The following PTPN12 variants were observed in gnomAD, a reference collection of about 807,000 sequenced individuals.
PTPN12 encodes protein tyrosine phosphatase non-receptor type 12.
In PTPN12, 29 loss-of-function variants were observed where a neutral mutation model predicts 97.6. The ratio of observed to expected loss-of-function variants is 0.30; its 90% CI spans 0.22 to 0.41. PTPN12 has a LOEUF of 0.41. PTPN12 is among the 10% of genes least tolerant of loss of function. The pLI, the probability that PTPN12 is intolerant of heterozygous loss-of-function variation, is 1.00. For missense variants in PTPN12, 819 were observed against 926.0 expected, an observed-to-expected ratio of 0.88 and a Z score of 1.50; for synonymous variants, 327 against 300.4, an observed-to-expected ratio of 1.09 and a Z score of -0.91.
intron 1 of PTPN12, among the ~76,000 whole-genome samples, chr7:77,567,718 C>G: frequency 6.6e-6 from 1 of 152,168 alleles, no homozygotes; most frequent in Non-Finnish European, 1.5e-5. Context: ...CTGGAATATG[C>G]AACTCTTTCT....
At chr7:77,558,136 A>G (rs1807806375) in intron 1 of PTPN12, among the ~76,000 whole-genome samples, 1 of 149,334 alleles carries the variant, frequency 6.7e-6, no homozygotes, top group African/African-American at 2.5e-5. Flanking sequence ...GCTTGAACCC[A>G]TGAGGTGGAG....
intron 12 of PTPN12, among the ~76,000 whole-genome samples, chr7:77,624,895 G>A (rs1394155872): frequency 6.6e-6 from 1 of 151,936 alleles, no homozygotes; most frequent in Non-Finnish European, 1.5e-5. Context: ...GCACTTTGCG[G>A]GGGCCGAGGC....
chr7:77,639,412 G>A lies in PTPN12; in HGVS notation c.*132G>A. On this transcript the variant is annotated 3_prime_UTR_variant, in exon 18 of 18. Coordinates refer to ENST00000248594, the MANE Select transcript of PTPN12 (RefSeq NM_002835.4). ...GATTGTTACCTTAATATTTTTTGCT[G>A]GGACCATCTACCTGCCTTATACTAC... 1 of 687,034 alleles carries A rather than the reference G, an allele frequency of 1.5e-6. No homozygotes were observed. Among genetic ancestry groups the A allele is most frequent in the Non-Finnish European group, 2.4e-6 (1 of 419,054 alleles). 42.6% of individuals were successfully genotyped at this position (687,034 alleles called of 1,614,324 possible). A position where few individuals can be genotyped will look rare whatever the true frequency, so the allele number is the denominator to read the frequency against.
At chr7:77,606,417 G>A (rs947378874) in intron 8 of PTPN12, among the ~76,000 whole-genome samples, 2 of 152,006 alleles carry the variant, frequency 1.3e-5, no homozygotes, top group Non-Finnish European at 2.9e-5. Flanking sequence ...TTCTTTTTGA[G>A]ATGAAGTCAC....
intron 3 of PTPN12, 57 bp from the exon 4 acceptor site, chr7:77,583,498 A>T: frequency 1.9e-6 from 2 of 1,054,168 alleles, no homozygotes; most frequent in Admixed American, 2.1e-5. Context: ...TATTTTGGGT[A>T]ATGAAATATT....
At chr7:77,537,674 T>C (rs773187806) in intron 1 of PTPN12, 29 bp downstream of exon 1, 2 of 1,561,256 alleles carry the variant, frequency 1.3e-6, no homozygotes, top group Non-Finnish European at 1.7e-6. Context: ...TGTCGCGTTT[T>C]CTTGCCGGCG....
chr7:77,564,746 G>GTTTTTTTGTTT (rs1808165507), intron 1 of PTPN12, among the ~76,000 whole-genome samples: 26 of 45,402 alleles, frequency 5.7e-4, no homozygotes, highest in African/African-American at 5.4e-4. Flanking sequence ...TTGTTGTCGT[G>GTTTTTTTGTTT]TTTTTTTTTT....
Position 77,627,412 on chromosome 7 carries a change from C to T in PTPN12, c.1733C>T (p.Thr578Ile). ...LTPSPTTQVETPDLVDHDNTS... is the reference protein window; with the variant it reads ...LTPSPTTQVEIPDLVDHDNTS... ...CCAAGTCCTACAACACAAGTTGAAA[C>T]ACCTGATCTTGTGGATCATGATAAC... Residue 578 changes from threonine (T) to isoleucine (I), a missense_variant, in exon 13 of 18, where the codon ACA (threonine) becomes ATA (isoleucine). Physicochemically the swap from Thr to Ile is moderately conservative, Grantham distance 89. Transcript: ENST00000248594. 1.2e-6 allele frequency: 2 copies of T among 1,614,106 alleles called. No homozygotes were observed. The highest frequency in any genetic ancestry group is 2.7e-5 in the African/African-American group (2 of 75,056).
chr7:77,634,927 G>C (rs141779827), intron 14 of PTPN12, among the ~76,000 whole-genome samples: 51 of 152,138 alleles, frequency 3.4e-4, no homozygotes, highest in African/African-American at 1.2e-3. Context: ...TCAGGCTGGA[G>C]TGCAGTGGCA....
chr7:77,570,156 G>A (rs1388349826), intron 1 of PTPN12, among the ~76,000 whole-genome samples: 6 of 152,128 alleles, frequency 3.9e-5, no homozygotes, highest in African/African-American at 1.4e-4. Context: ...TATTCCTGTT[G>A]TAGGTCTCTA....
At chr7:77,574,120 TC>T (rs1238669961) in intron 2 of PTPN12, among the ~76,000 whole-genome samples, 1 of 152,200 alleles carries the variant, frequency 6.6e-6, no homozygotes, top group Non-Finnish European at 1.5e-5. Flanking sequence ...TATATGTTAG[TC>T]AAGGTGATGG....
chr7:77,545,515 T>C (rs1484487853), intron 1 of PTPN12, among the ~76,000 whole-genome samples: 1 of 152,108 alleles, frequency 6.6e-6, no homozygotes, highest in Non-Finnish European at 1.5e-5. Context: ...CAAGTGCTGC[T>C]CCTTTTTCAA....
At chr7:77,618,956 T>G (rs1481527101) in intron 12 of PTPN12, among the ~76,000 whole-genome samples, 1 of 152,230 alleles carries the variant, frequency 6.6e-6, no homozygotes, top group Non-Finnish European at 1.5e-5. Context: ...ATGAGTTTAT[T>G]TCTTTAATTT....
At chr7:77,540,524 A>G (rs773521296) in intron 1 of PTPN12, among the ~76,000 whole-genome samples, 3 of 151,568 alleles carry the variant, frequency 2.0e-5, no homozygotes, top group Non-Finnish European at 2.9e-5. Flanking sequence ...GATTACAGGC[A>G]TGAGCCACCG....
At chr7:77,615,068 G>C (rs1279891327) in intron 11 of PTPN12, among the ~76,000 whole-genome samples, 1 of 152,038 alleles carries the variant, frequency 6.6e-6, no homozygotes, top group Non-Finnish European at 1.5e-5. Context: ...GGATTTAGAG[G>C]TACCTTAATA....
chr7:77,622,801 C>T (rs929763002), intron 12 of PTPN12, among the ~76,000 whole-genome samples: 8 of 146,844 alleles, frequency 5.4e-5, no homozygotes, highest in Non-Finnish European at 3.1e-5. Flanking sequence ...AATTAAAATA[C>T]TATAAATTTA....
chr7:77,606,042 C>T (rs1212493834), intron 8 of PTPN12, among the ~76,000 whole-genome samples: 1 of 142,368 alleles, frequency 7.0e-6, no homozygotes, highest in East Asian at 2.2e-4. Context: ...GCAACCTCCA[C>T]TTCCCCGGTT....
At chr7:77,620,830 TC>T (rs1192796983) in intron 12 of PTPN12, among the ~76,000 whole-genome samples, 3 of 152,234 alleles carry the variant, frequency 2.0e-5, no homozygotes, top group African/African-American at 7.2e-5. Context: ...CGCCTGCAGT[TC>T]CAGCTACTTG....
At chr7:77,547,678 G>T (rs745815256) in intron 1 of PTPN12, among the ~76,000 whole-genome samples, 3 of 152,226 alleles carry the variant, frequency 2.0e-5, no homozygotes, top group Non-Finnish European at 2.9e-5. Flanking sequence ...AGTATATTCG[G>T]AATATAAGCC....
Sources: gnomAD v4.1 joint callset for allele counts (sites outside exome capture counted in the v4.1 genomes callset) on GRCh38, gnomAD v4.1.1 for gene constraint, MANE v1.5 for transcripts, NCBI Gene and HGNC (gene_info 2026-07-23, HGNC 2026-07-21) for gene names.